Variants in CENPC observed in about 807,000 individuals in gnomAD.
CENPC encodes the protein centromere protein C.
Under a neutral mutation model 112.1 loss-of-function variants are expected in CENPC, and 63 were observed. That is an observed-to-expected ratio of 0.56 (90% CI 0.46 to 0.69). The LOEUF (loss-of-function observed/expected upper bound fraction) is 0.69, where lower values mean the gene tolerates loss of function less well. Among genes scored for constraint, CENPC ranks in the 30% least tolerant of loss-of-function variants. The pLI is 0.00. For synonymous variants in CENPC, 333 were observed against 367.6 expected (o/e 0.91, Z 1.08); for missense variants, 1,000 against 1,103.8 (o/e 0.91, Z 1.33).
chr4:67,534,991 A>G (rs1726674040), intron 4 of CENPC, among the ~76,000 whole-genome samples: 2 of 152,142 alleles, frequency 1.3e-5, no homozygotes, highest in South Asian at 4.1e-4. Context: ...AAGACAGATG[A>G]CATGATCCTA....
Position 67,492,966 on chromosome 4 carries a change from T to C in CENPC, c.2322A>G (p.Pro774=). The change falls in exon 15 of 19, where the codon CCA becomes CCG. Residue 774 remains proline (P), a synonymous_variant. Coordinates refer to ENST00000273853, the MANE Select transcript of CENPC (RefSeq NM_001812.4). Reference sequence around the variant, plus strand: ...CCTTCCTTTTAGACGATATTGTGTCTGGAGATAGTACTCCACTAATCACGA... The same window carrying C: ...CCTTCCTTTTAGACGATATTGTGTCCGGAGATAGTACTCCACTAATCACGA... ...GGFVISGVLS[P]DTISSKRKAK... 1 of 1,547,328 alleles carries C rather than the reference T, an allele frequency of 6.5e-7. No homozygotes were observed. Among genetic ancestry groups the C allele is most frequent in the South Asian group, 1.2e-5 (1 of 81,606 alleles).
At position 67,514,638 on chromosome 4, in the gene CENPC, C is replaced by T. The variant is rs747277189; in HGVS notation, c.880G>A (p.Asp294Asn). ...TCATCCTCTATCAACTTCGTATCAT[C>T]GGGAGGACACGAATGAGGTGGAGCA... is the stretch of plus-strand genomic sequence containing the variant. Reference protein sequence around the residue: ...ATAPPHSCPPDDTKLIEDEFI... With the variant: ...ATAPPHSCPPNDTKLIEDEFI... The change falls in exon 8 of 19, where the codon GAT becomes AAT. Residue 294 changes from aspartate to asparagine, a missense_variant. Asp to Asn is a conservative substitution (Grantham distance 23). Transcript: ENST00000273853. The T allele has an allele frequency of 1.1e-5, 18 of 1,607,782 alleles. No individual in the cohort carries two copies. Among genetic ancestry groups the T allele is most frequent in the South Asian group, 4.5e-5 (4 of 89,874 alleles).
chr4:67,480,438 C>A (rs1211298621), intron 17 of CENPC, among the ~76,000 whole-genome samples: 5 of 152,050 alleles, frequency 3.3e-5, no homozygotes, highest in African/African-American at 1.2e-4. Context: ...AAATACACAA[C>A]CTTCTTAGAT....
At chr4:67,489,866 GA>G (rs1193199153) in intron 17 of CENPC, 100 bp downstream of exon 17, 1 of 1,022,058 alleles carries the variant, frequency 9.8e-7, no homozygotes, top group African/African-American at 1.6e-5. Flanking sequence ...TGTAGTAATC[GA>G]ATTTCATTTC....
In CENPC at chr4:67,514,703, A is replaced by G; in HGVS notation, c.831-16T>C. On this transcript the variant is annotated splice_polypyrimidine_tract_variant and intron_variant, in intron 7 of 18. Coordinates refer to ENST00000273853, the MANE Select transcript of CENPC (RefSeq NM_001812.4). ...AACAATGGGACTGAAACAGGGTGATACTTTTAACAGTTCAAAAAAATAAAG... is the reference window on the plus strand; with the variant it reads ...AACAATGGGACTGAAACAGGGTGATGCTTTTAACAGTTCAAAAAAATAAAG... 1 of 1,572,152 alleles carries G rather than the reference A, an allele frequency of 6.4e-7. No individual in the cohort carries two copies. The highest frequency in any genetic ancestry group is 1.2e-5 in the South Asian group (1 of 84,942).
chr4:67,492,887 G>T lies in CENPC; in HGVS notation c.2401C>A (p.Leu801Ile). The T allele has an allele frequency of 6.4e-7, 1 of 1,568,186 alleles. No homozygotes were observed. Among genetic ancestry groups the T allele is most frequent in the South Asian group, 1.2e-5 (1 of 85,308 alleles). The stretch of plus-strand genomic sequence containing the variant: ...TTCATACTTCTTTCATCGTTATCAA[G>T]ACAGATCCTTTTCTTATTAGATTTT... ...NKKSNKKRIC[L>I]DNDERKTNLM... The change falls in exon 15 of 19, where the codon CTT (leucine) becomes ATT (isoleucine). Residue 801 changes from leucine to isoleucine, a missense_variant. Coordinates refer to ENST00000273853, the MANE Select transcript of CENPC (RefSeq NM_001812.4).
At chr4:67,493,774 T>TG (rs1040981229) in intron 14 of CENPC, 110 bp downstream of exon 14, 42 of 613,116 alleles carry the variant, frequency 6.9e-5, no homozygotes, top group Non-Finnish European at 7.3e-5. Flanking sequence ...TATCAAAATT[T>TG]GGGGGGGTGA....
Position 67,505,245 on chromosome 4 carries a change from T to G in CENPC, c.2091A>C (p.Gly697=). The change falls in exon 12 of 19, where the codon GGA becomes GGC. Residue 697 remains glycine, a synonymous_variant. Transcript: ENST00000273853. ...CTTCCTCATCATCCACATCATTCTTTCCAGACATTAAATAATTATTATTGA... is the reference window on the plus strand; with the variant it reads ...CTTCCTCATCATCCACATCATTCTTGCCAGACATTAAATAATTATTATTGA... ...SRLNNNYLMS[G]KNDVDDEEVH... 1 of 1,582,176 alleles carries G rather than the reference T, an allele frequency of 6.3e-7. No homozygotes were observed. The highest frequency in any genetic ancestry group is 8.6e-7 in the Non-Finnish European group (1 of 1,164,706).
In CENPC at chr4:67,519,426, T is replaced by C. The variant is rs752089851; in HGVS notation, c.408A>G (p.Ile136Met). Residue 136 changes from isoleucine (I) to methionine (M), a missense_variant, in exon 6 of 19, where the codon ATA becomes ATG. Ile to Met is a conservative substitution (Grantham distance 10). Transcript: ENST00000273853. ...SSKNTPDSKK[I>M]SSRNINDHHS... Reference sequence around the variant, plus strand: ...GATGATCATTTATGTTTCTACTTGATATTTTTTTCGAGTCAGGTGTATTTT... The same window carrying C: ...GATGATCATTTATGTTTCTACTTGACATTTTTTTCGAGTCAGGTGTATTTT... 1.2e-6 allele frequency: 2 copies of C among 1,611,430 alleles called. No homozygotes were observed. The highest frequency in any genetic ancestry group is 2.2e-5 in the East Asian group (1 of 44,732).
chr4:67,519,612 C>A, intron 5 of CENPC, 110 bp from the exon 6 acceptor site: 3 of 726,784 alleles, frequency 4.1e-6, no homozygotes, highest in Non-Finnish European at 6.3e-6. Flanking sequence ...TTTCAGAAAA[C>A]TCAAAGTCAT....
At chr4:67,495,073 G>A in intron 13 of CENPC, 86 bp downstream of exon 13, 1 of 1,223,258 alleles carries the variant, frequency 8.2e-7, no homozygotes, top group Non-Finnish European at 1.1e-6. Flanking sequence ...TATTTCTCCT[G>A]CTTAAGAAGA....
chr4:67,477,942 T>C (rs754671250), intron 17 of CENPC, among the ~76,000 whole-genome samples: 2 of 150,916 alleles, frequency 1.3e-5, no homozygotes, highest in Admixed American at 6.6e-5. Flanking sequence ...ATCGAACGAG[T>C]AGAAGAACTT....
At chr4:67,527,893 C>G (rs752500321) in intron 5 of CENPC, among the ~76,000 whole-genome samples, 3 of 151,818 alleles carry the variant, frequency 2.0e-5, no homozygotes, top group Non-Finnish European at 4.4e-5. Flanking sequence ...CCCAAACTAC[C>G]CACAATTATT....
In CENPC at chr4:67,485,608, A is replaced by C. The variant is rs1223887634; in HGVS notation, c.2670+4359T>G. ...TATGGTATTCTTATTATAGCAGCCCAATCTGACTAAGACATCCATCAAGAA... is the reference window on the plus strand; with the variant it reads ...TATGGTATTCTTATTATAGCAGCCCCATCTGACTAAGACATCCATCAAGAA... On this transcript the variant is annotated intron_variant, in intron 17 of 18. Transcript: ENST00000273853. Among the ~76,000 whole-genome samples, 6 of 152,204 alleles carry C rather than the reference A, an allele frequency of 3.9e-5. No individual in the cohort carries two copies. In the East Asian group the frequency reaches 1.2e-3, roughly 29 times the overall value.
At chr4:67,504,553 G>T (rs13102626) in intron 12 of CENPC, among the ~76,000 whole-genome samples, 32,223 of 152,094 alleles carry the variant, frequency 0.21, 4,147 homozygotes, top group Middle Eastern at 0.36. Context: ...CGGGAGTGGT[G>T]GCTCACACCT....
chr4:67,492,350 ATATAGC>A, intron 15 of CENPC, 75 bp from the exon 16 acceptor site: 1 of 865,076 alleles, frequency 1.2e-6, no homozygotes, highest in Non-Finnish European at 1.8e-6. Context: ...TCAGTACAAA[ATATAGC>A]TATAGAGAAG....
At chr4:67,544,634 C>A (rs1297532019) in intron 1 of CENPC, among the ~76,000 whole-genome samples, 1 of 152,006 alleles carries the variant, frequency 6.6e-6, no homozygotes, top group East Asian at 1.9e-4. Flanking sequence ...TAACCATAAC[C>A]AAAGTATGAA....
At chr4:67,473,084 A>T (rs7693674) in intron 18 of CENPC, among the ~76,000 whole-genome samples, 129,684 of 151,638 alleles carry the variant, frequency 0.86, 55,783 homozygotes, top group East Asian at 0.93. Context: ...TTATTTACTT[A>T]TTTTTTGTTT....
intron 5 of CENPC, among the ~76,000 whole-genome samples, chr4:67,520,478 C>T (rs1042592442): frequency 4.6e-5 from 7 of 152,198 alleles, no homozygotes; most frequent in Admixed American, 1.3e-4. Context: ...GCAAGAACAG[C>T]GTAAGAGAGG....
Sources: gnomAD v4.1 joint callset for allele counts (sites outside exome capture counted in the v4.1 genomes callset) on GRCh38, gnomAD v4.1.1 for gene constraint, MANE v1.5 for transcripts, NCBI Gene and HGNC (gene_info 2026-07-23, HGNC 2026-07-21) for gene names.